RAPGEF4: variants seen among roughly 807,000 people sequenced by gnomAD.
The protein encoded by RAPGEF4 is RAP guanine-nucleotide-exchange factor (GEF) 4.
A neutral mutation model predicts 147.9 loss-of-function variants in RAPGEF4; 66 were observed. The observed-to-expected ratio is 0.45, with a 90% CI of 0.37 to 0.55. The LOEUF is 0.55. Ranked by LOEUF, RAPGEF4 falls within the 20% of genes least tolerant of loss-of-function variation. RAPGEF4 has a pLI of 0.00. For missense variants in RAPGEF4, 1,071 were observed against 1,257.3 expected (o/e 0.85, Z 2.24); for synonymous variants, 419 against 442.7 (o/e 0.95, Z 0.67).
chr2:173,002,407 T>C (rs1694022417), intron 17 of RAPGEF4, among the ~76,000 whole-genome samples: 1 of 152,202 alleles, frequency 6.6e-6, no homozygotes, highest in Non-Finnish European at 1.5e-5. Context: ...CAGTTGATGC[T>C]GGTATGTAGC....
rs1377646024 is a variant in RAPGEF4 at position 173,020,618 on chromosome 2, A to G, written c.2156A>G (p.Glu719Gly). The G allele has an allele frequency of 1.9e-5, 31 of 1,611,600 alleles. No homozygotes were observed. The highest frequency in any genetic ancestry group is 2.6e-5 in the Non-Finnish European group (31 of 1,178,206). Residue 719 changes from glutamate to glycine, a missense_variant and splice_region_variant, in exon 23 of 31, where the codon GAA becomes GGA. Coordinates refer to ENST00000397081, the MANE Select transcript of RAPGEF4 (RefSeq NM_007023.4). ...AATCTCATGCTTTTTATGTTCACAG[A>G]AAAGGTGGTGCTCAAACCTAATGAT... is the stretch of plus-strand genomic sequence containing the variant. ...LIIVKMSSGG[E>G]KVVLKPNDVS... is the part of the protein sequence containing the mutation.
At chr2:172,938,850 G>A (rs1686865505) in intron 6 of RAPGEF4, among the ~76,000 whole-genome samples, 1 of 152,118 alleles carries the variant, frequency 6.6e-6, no homozygotes, top group African/African-American at 2.4e-5. Flanking sequence ...CTTCTTCCGT[G>A]TCTGAAGCCA....
chr2:172,860,568 T>G (rs1693920599), intron 4 of RAPGEF4, among the ~76,000 whole-genome samples: 1 of 106,450 alleles, frequency 9.4e-6, no homozygotes, highest in South Asian at 2.8e-4. Flanking sequence ...TTTATTTGGG[T>G]TTTTTTTTTT....
At position 173,001,297 on chromosome 2, in the gene RAPGEF4, C is replaced by A. The variant is rs757749840; in HGVS notation, c.1611C>A (p.His537Gln). ...DSVLNDFIMMHCVFMPNTQLC... is the reference protein window; with the variant it reads ...DSVLNDFIMMQCVFMPNTQLC... ...TTTTAAATGACTTTATTATGATGCA[C>A]TGTGTTTTTATGCCAAATACCCAGC... is the stretch of plus-strand genomic sequence containing the variant. The change falls in exon 17 of 31, where the codon CAC becomes CAA. Residue 537 changes from histidine (H) to glutamine (Q), a missense_variant. His to Gln is a conservative substitution (Grantham distance 24). Transcript: ENST00000397081. 6.2e-7 allele frequency: 1 copy of A among 1,613,984 alleles called. No homozygotes were observed. Among genetic ancestry groups the A allele is most frequent in the Non-Finnish European group, 8.5e-7 (1 of 1,179,944 alleles).
chr2:172,904,370 T>C (rs1699396392), intron 4 of RAPGEF4, among the ~76,000 whole-genome samples: 1 of 152,226 alleles, frequency 6.6e-6, no homozygotes, highest in Non-Finnish European at 1.5e-5. Context: ...AGACTTAGTG[T>C]GATGAGAGGT....
Position 172,805,265 on chromosome 2 carries a change from C to T in RAPGEF4, c.297+7652C>T, listed in dbSNP as rs114603473. 3.9e-3 allele frequency among the ~76,000 whole-genome samples: 589 copies of T among 152,292 alleles called. 3 individuals are homozygous for T. Among genetic ancestry groups the T allele is most frequent in the African/African-American group, 0.014 (575 of 41,574 alleles). ...CTCTGTCTGCCTCTCGGAGACCCTC[C>T]CTTAGGAGCTGGGGCTGCATTGCTT... On this transcript the variant is annotated intron_variant, in intron 3 of 30. Transcript: ENST00000397081.
At chr2:172,917,413 A>T in intron 4 of RAPGEF4, 1 of 502,896 alleles carries the variant, frequency 2.0e-6, no homozygotes, top group Non-Finnish European at 3.9e-6. Context: ...TCACCTATTA[A>T]GTAGGCAGCA....
At chr2:172,819,483 T>TTTTTTTTA (rs869271631) in intron 4 of RAPGEF4, among the ~76,000 whole-genome samples, 1 of 135,682 alleles carries the variant, frequency 7.4e-6, no homozygotes. Flanking sequence ...TTTTTTTTTT[T>TTTTTTTTA]GAGACGGAGT....
At chr2:172,823,718 C>T (rs1689352943) in intron 4 of RAPGEF4, among the ~76,000 whole-genome samples, 1 of 152,160 alleles carries the variant, frequency 6.6e-6, no homozygotes, top group Non-Finnish European at 1.5e-5. Context: ...GTTCGCTTCT[C>T]CAAATTCCTG....
chr2:172,874,764 G>T (rs1412166950), intron 4 of RAPGEF4, among the ~76,000 whole-genome samples: 18 of 152,190 alleles, frequency 1.2e-4, no homozygotes, highest in Admixed American at 3.9e-4. Flanking sequence ...TATATACCCA[G>T]TAATGGGATG....
At chr2:172,889,702 C>T (rs566578973) in intron 4 of RAPGEF4, 77 of 269,382 alleles carry the variant, frequency 2.9e-4, no homozygotes, top group Non-Finnish European at 3.6e-4. Context: ...CACACACACA[C>T]GCTACCCACT....
At chr2:172,769,677 A>G (rs1697179065) in intron 1 of RAPGEF4, among the ~76,000 whole-genome samples, 1 of 152,208 alleles carries the variant, frequency 6.6e-6, no homozygotes, top group South Asian at 2.1e-4. Flanking sequence ...CAACACCAAC[A>G]GAAATAAGAT....
At chr2:172,869,355 G>A (rs1488497811) in intron 4 of RAPGEF4, among the ~76,000 whole-genome samples, 1 of 152,118 alleles carries the variant, frequency 6.6e-6, no homozygotes, top group African/African-American at 2.4e-5. Context: ...TGCTTTTTAA[G>A]GAATAATTTT....
intron 22 of RAPGEF4, among the ~76,000 whole-genome samples, 180 bp from the exon 23 acceptor site, chr2:173,020,438 G>A (rs1486519384): frequency 6.6e-6 from 1 of 152,168 alleles, no homozygotes; most frequent in Non-Finnish European, 1.5e-5. Context: ...ATCCTGAGTG[G>A]CGCAGGGCTG....
intron 20 of RAPGEF4, 109 bp downstream of exon 20, chr2:173,017,313 A>G: frequency 6.7e-7 from 1 of 1,482,456 alleles, no homozygotes; most frequent in South Asian, 1.1e-5. Flanking sequence ...GTAGACGTGA[A>G]ATATATTGTC....
chr2:173,022,641 A>G (rs1696221286), intron 23 of RAPGEF4, among the ~76,000 whole-genome samples: 1 of 152,168 alleles, frequency 6.6e-6, no homozygotes, highest in South Asian at 2.1e-4. Context: ...TCTGTGAGAC[A>G]CTAAACCAAG....
chr2:172,887,111 T>C (rs1250539761), intron 4 of RAPGEF4, among the ~76,000 whole-genome samples: 1 of 150,750 alleles, frequency 6.6e-6, no homozygotes, highest in Non-Finnish European at 1.5e-5. Context: ...CCCTTGAACC[T>C]GTGATTCAGA....
At position 172,738,453 on chromosome 2, in the gene RAPGEF4, TGAGA is replaced by T. The variant is rs531580169; in HGVS notation, c.65+2409_65+2412del. On this transcript the variant is annotated intron_variant, in intron 1 of 30. Coordinates refer to ENST00000397081, the MANE Select transcript of RAPGEF4 (RefSeq NM_007023.4). ...GTATAAAGTGCTTTGGGAATGCAGATGAGAGAGTTATCGAGATACTTCCATAGGT... is the reference window on the plus strand; with the variant it reads ...GTATAAAGTGCTTTGGGAATGCAGATGAGTTATCGAGATACTTCCATAGGT... Among the ~76,000 whole-genome samples, 1,185 of 152,256 alleles carry T rather than the reference TGAGA, an allele frequency of 7.8e-3. 13 individuals carry two copies. The highest frequency in any genetic ancestry group is 0.012 in the Non-Finnish European group (847 of 68,014).
chr2:172,831,265 A>ATTTTTTTTTTTTTTTTTTT (rs1491195850), intron 4 of RAPGEF4, among the ~76,000 whole-genome samples: 3 of 16,624 alleles, frequency 1.8e-4, no homozygotes, highest in African/African-American at 4.5e-4. Flanking sequence ...CAGATAGAAA[A>ATTTTTTTTTTTTTTTTTTT]CTTTTTTTTT....
Sources: gnomAD v4.1 joint callset for allele counts (sites outside exome capture counted in the v4.1 genomes callset) on GRCh38, gnomAD v4.1.1 for gene constraint, MANE v1.5 for transcripts, NCBI Gene and HGNC (gene_info 2026-07-23, HGNC 2026-07-21) for gene names.